The following TTLL6 variants were observed in gnomAD, a reference collection of about 807,000 sequenced individuals.
TTLL6 encodes the protein tubulin polyglutamylase TTLL6.
Under a neutral mutation model 96.4 loss-of-function variants are expected in TTLL6, and 75 were observed. The observed-to-expected ratio is 0.78, with a 90% CI of 0.65 to 0.94. TTLL6 has a LOEUF of 0.94. TTLL6 is among the 40% of genes least tolerant of loss of function. The probability of loss-of-function intolerance (pLI) is 0.00; values close to 1 mark genes in which losing one functional copy is unlikely to be tolerated. For synonymous variants in TTLL6, 411 were observed against 419.4 expected (o/e 0.98, Z 0.24); for missense variants, 1,030 against 1,093.0 (o/e 0.94, Z 0.81).
chr17:48,804,271 C>T (rs758586411), intron 2 of TTLL6: 70 of 510,788 alleles, frequency 1.4e-4, no homozygotes, highest in Non-Finnish European at 1.0e-4. Flanking sequence ...GGCCAAAATA[C>T]TTGTCTCCTT....
chr17:48,764,958 A>T (rs1218100118), intron 15 of TTLL6, among the ~76,000 whole-genome samples: 1 of 152,204 alleles, frequency 6.6e-6, no homozygotes, highest in Non-Finnish European at 1.5e-5. Flanking sequence ...CTAAAGACTA[A>T]TATGAAAAGT....
chr17:48,775,961 T>G (rs2038862037), intron 13 of TTLL6, among the ~76,000 whole-genome samples: 1 of 152,122 alleles, frequency 6.6e-6, no homozygotes, highest in Non-Finnish European at 1.5e-5. Context: ...AGTAAAAGAT[T>G]GAATGTTTCC....
intron 13 of TTLL6, among the ~76,000 whole-genome samples, chr17:48,777,977 T>C (rs1401182873): frequency 2.0e-5 from 3 of 151,448 alleles, no homozygotes; most frequent in Non-Finnish European, 4.4e-5. Flanking sequence ...AGATAGGATA[T>C]AGAAAGCAAC....
At position 48,768,948 on chromosome 17, in the gene TTLL6, C is replaced by A. The variant is rs2038673130; in HGVS notation, c.*41G>T. The A allele has an allele frequency of 1.9e-6, 3 of 1,595,556 alleles. No homozygotes were observed. The African/African-American group carries it at 4.0e-5, about 21-fold the overall frequency. On this transcript the variant is annotated intron_variant, in intron 15 of 15. Transcript: ENST00000393382. ...ATTCCAGAAAAACACAGAGCACCTG[C>A]CAACGCACCAAATTCATTAAGGGAA...
In TTLL6 at chr17:48,817,008, C is replaced by A; in HGVS notation, c.65G>T (p.Ser22Ile). Residue 22 changes from serine (S) to isoleucine (I), a missense_variant, in exon 1 of 16, where the codon AGC becomes ATC. By Grantham distance (142) the Ser-to-Ile change is moderately radical. Coordinates refer to ENST00000393382, the MANE Select transcript of TTLL6 (RefSeq NM_001130918.3). The stretch of plus-strand genomic sequence containing the variant: ...TCCCCCGTCTCGCCCCGCTGGGCTG[C>A]TAGTCCAGCTTGCAACCACACCTGC... The part of the protein sequence containing the change: ...GPAGVVASWT[S>I]SPAGRDGGVG... 1 of 1,542,958 alleles carries A rather than the reference C, an allele frequency of 6.5e-7. No homozygotes were observed.
intron 13 of TTLL6, among the ~76,000 whole-genome samples, chr17:48,783,343 G>T (rs1427358738): frequency 2.0e-5 from 3 of 152,108 alleles, no homozygotes; most frequent in African/African-American, 7.2e-5. Context: ...CTGTGCTAGG[G>T]CAGTTAGTAC....
At chr17:48,791,235 A>C in intron 9 of TTLL6, 143 bp downstream of exon 9, 1 of 696,728 alleles carries the variant, frequency 1.4e-6, no homozygotes, top group Non-Finnish European at 2.4e-6. Flanking sequence ...CAGCTAAGAG[A>C]GAAGCCCCAG....
chr17:48,774,235 T>G (rs954693470), intron 13 of TTLL6, among the ~76,000 whole-genome samples: 3 of 32,176 alleles, frequency 9.3e-5, no homozygotes, highest in Non-Finnish European at 2.5e-4. Flanking sequence ...GGTTTGTTGT[T>G]TTTTTTTTTT....
chr17:48,799,865 A>G lies in TTLL6; in HGVS notation c.612-105T>C. 4 of 1,037,336 alleles carry G rather than the reference A, an allele frequency of 3.9e-6. No individual in the cohort carries two copies. The Admixed American group carries it at 7.3e-5, about 19-fold the overall frequency. The allele number at this position is 1,037,336 out of a possible 1,614,324, so 64.3% of individuals were successfully genotyped here. A position where few individuals can be genotyped will look rare whatever the true frequency, so the allele number is the denominator to read the frequency against. ...GAAAGAAAAGCTGTCTAATGTGACAAATCCCTGGCACTGACAGATGCCCAG... is the reference window on the plus strand; with the variant it reads ...GAAAGAAAAGCTGTCTAATGTGACAGATCCCTGGCACTGACAGATGCCCAG... On this transcript the variant is annotated intron_variant, in intron 5 of 15. Coordinates refer to ENST00000393382, the MANE Select transcript of TTLL6 (RefSeq NM_001130918.3).
chr17:48,767,910 G>A (rs1432420772), intron 15 of TTLL6, among the ~76,000 whole-genome samples: 5 of 152,120 alleles, frequency 3.3e-5, no homozygotes, highest in Non-Finnish European at 7.4e-5. Flanking sequence ...TGGGGCAAGT[G>A]ATCTAGGCCT....
At position 48,762,564 on chromosome 17, in the gene TTLL6, C is replaced by A; in HGVS notation, c.*410G>T. ...TATCTTGGAGACGAAGACCAACTGG[C>A]ATAGTTCTGTTGGTGGACTGAGGGC... On this transcript the variant is annotated 3_prime_UTR_variant, in exon 16 of 16. Coordinates refer to ENST00000393382, the MANE Select transcript of TTLL6 (RefSeq NM_001130918.3). 5.5e-6 allele frequency: 1 copy of A among 182,932 alleles called. No homozygotes were observed. The allele number at this position is 182,932 out of a possible 1,614,324, so 11.3% of individuals were successfully genotyped here.
Position 48,785,916 on chromosome 17 carries a change from C to T in TTLL6, c.1761+248G>A, listed in dbSNP as rs531262935. 2.0e-4 allele frequency among the ~76,000 whole-genome samples: 31 copies of T among 152,328 alleles called. 1 individual carries two copies. In the South Asian group the frequency reaches 5.6e-3, roughly 27 times the overall value. ...CCAGCATGGCCTGGCTGCTCTTACTCCTACTGGAGGAGGCAAGCAGGACAG... is the reference window on the plus strand; with the variant it reads ...CCAGCATGGCCTGGCTGCTCTTACTTCTACTGGAGGAGGCAAGCAGGACAG... On this transcript the variant is annotated intron_variant, in intron 12 of 15. Coordinates refer to ENST00000393382, the MANE Select transcript of TTLL6 (RefSeq NM_001130918.3).
At chr17:48,774,885 C>T (rs2038840195) in intron 13 of TTLL6, among the ~76,000 whole-genome samples, 1 of 152,116 alleles carries the variant, frequency 6.6e-6, no homozygotes, top group Admixed American at 6.5e-5. Flanking sequence ...ACAATCCCAG[C>T]ACTTTGGAAG....
chr17:48,794,552 C>T (rs1597988103), intron 8 of TTLL6, among the ~76,000 whole-genome samples: 2 of 152,180 alleles, frequency 1.3e-5, no homozygotes, highest in South Asian at 2.1e-4. Flanking sequence ...ACGCTCAGAA[C>T]GCAGCAATGC....
At chr17:48,780,688 A>G (rs1279294213) in intron 13 of TTLL6, among the ~76,000 whole-genome samples, 1 of 152,068 alleles carries the variant, frequency 6.6e-6, no homozygotes, top group Non-Finnish European at 1.5e-5. Context: ...CCATGATTCC[A>G]CTTTCTAAGA....
At chr17:48,799,852 G>A (rs1406362139) in intron 5 of TTLL6, 92 bp from the exon 6 acceptor site, 5 of 1,210,482 alleles carry the variant, frequency 4.1e-6, no homozygotes, top group Non-Finnish European at 5.7e-6. Flanking sequence ...AAGAAAAGCT[G>A]TCTAATGTGA....
At chr17:48,792,050 G>A (rs1000016692) in intron 8 of TTLL6, among the ~76,000 whole-genome samples, 2 of 152,134 alleles carry the variant, frequency 1.3e-5, no homozygotes, top group African/African-American at 4.8e-5. Context: ...GGATTCTAGG[G>A]ACACTAATGA....
chr17:48,790,219 A>T, intron 9 of TTLL6, 113 bp from the exon 10 acceptor site: 1 of 1,133,424 alleles, frequency 8.8e-7, no homozygotes, highest in Non-Finnish European at 1.3e-6. Context: ...GGCCCTCACT[A>T]CCAAGATGAA....
At chr17:48,802,941 G>A (rs1244504845) in intron 3 of TTLL6, among the ~76,000 whole-genome samples, 1 of 151,914 alleles carries the variant, frequency 6.6e-6, no homozygotes, top group African/African-American at 2.4e-5. Context: ...ACGCTGAGGC[G>A]GGCAGATCAC....
Sources: gnomAD v4.1 joint callset for allele counts (sites outside exome capture counted in the v4.1 genomes callset) on GRCh38, gnomAD v4.1.1 for gene constraint, MANE v1.5 for transcripts, NCBI Gene and HGNC (gene_info 2026-07-23, HGNC 2026-07-21) for gene names.